Variants in PRR13 observed in about 807,000 individuals in gnomAD.
PRR13 encodes the protein proline-rich protein 13.
Under a neutral mutation model 11.5 loss-of-function variants are expected in PRR13, and 7 were observed. The ratio of observed to expected loss-of-function variants is 0.61; its 90% CI spans 0.34 to 1.14. The LOEUF (loss-of-function observed/expected upper bound fraction) is 1.14, where lower values mean the gene tolerates loss of function less well. Among genes scored for constraint, PRR13 ranks in the 50% most tolerant of loss-of-function variants. The pLI is 0.03. For synonymous variants in PRR13, 53 were observed against 67.8 expected (o/e 0.78, Z 1.07); for missense variants, 155 against 194.4 (o/e 0.80, Z 1.21).
chr12:53,444,074 A>T (rs1239325442), intron 3 of PRR13: 6 of 459,928 alleles, frequency 1.3e-5, no homozygotes, highest in Admixed American at 7.3e-5. Flanking sequence ...CCCTCCCGCC[A>T]GGTGCATATT....
chr12:53,443,210 C>T, intron 2 of PRR13, 181 bp from the exon 3 acceptor site: 1 of 592,924 alleles, frequency 1.7e-6, no homozygotes. Context: ...TCTCCCTAGC[C>T]CTTCCAGGGA....
At chr12:53,442,658 G>T in intron 1 of PRR13, 37 bp from the exon 2 acceptor site, 2 of 1,556,194 alleles carry the variant, frequency 1.3e-6, no homozygotes, top group Admixed American at 3.3e-5. Flanking sequence ...CCTACCTCTA[G>T]ACCGTCATCT....
chr12:53,445,379 C>T (rs1009570013), intron 3 of PRR13, among the ~76,000 whole-genome samples: 2 of 150,692 alleles, frequency 1.3e-5, no homozygotes, highest in Non-Finnish European at 2.9e-5. Context: ...TGAAGAGAAC[C>T]GAAGAGAATT....
At chr12:53,443,866 G>C (rs1565847388) in intron 3 of PRR13, 93 bp downstream of exon 3, 14 of 1,384,310 alleles carry the variant, frequency 1.0e-5, no homozygotes, top group Non-Finnish European at 1.4e-5. Flanking sequence ...ACATTCTGTG[G>C]ACGTGAGGGA....
At chr12:53,442,586 G>A in intron 1 of PRR13, 109 bp from the exon 2 acceptor site, 1 of 925,514 alleles carries the variant, frequency 1.1e-6, no homozygotes, top group Non-Finnish European at 1.8e-6. Context: ...TAGTTCTCCA[G>A]GTAGGAGAGC....
intron 3 of PRR13, among the ~76,000 whole-genome samples, chr12:53,444,416 G>A (rs1290180541): frequency 1.4e-5 from 2 of 147,814 alleles, no homozygotes; most frequent in African/African-American, 2.5e-5. Flanking sequence ...TGCAAGCTCC[G>A]CCTCCCAGGT....
Position 53,442,703 on chromosome 12 carries a change from A to C in PRR13, c.-12A>C. 1.2e-6 allele frequency: 2 copies of C among 1,609,552 alleles called. No individual in the cohort carries two copies. Among genetic ancestry groups the C allele is most frequent in the Non-Finnish European group, 1.7e-6 (2 of 1,176,050 alleles). ...CATTTCTTTCTCCTCAGGCTGGAGG[A>C]CACACCTAAACATGTGGAATCCCAA... On this transcript the variant is annotated 5_prime_UTR_variant, in exon 2 of 4. Coordinates refer to ENST00000429243, the MANE Select transcript of PRR13 (RefSeq NM_018457.4).
In PRR13 at chr12:53,443,448, C is replaced by A. The variant is rs1403837427; in HGVS notation, c.77C>A (p.Pro26His). The A allele has an allele frequency of 6.9e-7, 1 of 1,442,346 alleles. No homozygotes were observed. Among genetic ancestry groups the A allele is most frequent in the Non-Finnish European group, 9.1e-7 (1 of 1,093,616 alleles). 89.3% of individuals were successfully genotyped at this position (1,442,346 alleles called of 1,614,324 possible). A position where few individuals can be genotyped will look rare whatever the true frequency, so the allele number is the denominator to read the frequency against. Residue 26 changes from proline to histidine, a missense_variant, in exon 3 of 4, where the codon CCT becomes CAT. By Grantham distance (77) the Pro-to-His change is moderately conservative. Transcript: ENST00000429243. ...ATTGGGTGCCCTGGAGGTTCCAATCCTGCCCACCCACCACCTATTAATCCA... is the reference window on the plus strand; with the variant it reads ...ATTGGGTGCCCTGGAGGTTCCAATCATGCCCACCCACCACCTATTAATCCA... ...PNIGCPGGSN[P>H]AHPPPINPPF...
chr12:53,445,907 G>A lies in PRR13; in HGVS notation c.403-108G>A. 2.6e-6 allele frequency: 4 copies of A among 1,541,086 alleles called. No homozygotes were observed. The South Asian group carries it at 4.6e-5, about 18-fold the overall frequency. On this transcript the variant is annotated intron_variant, in intron 3 of 3. Coordinates refer to ENST00000429243, the MANE Select transcript of PRR13 (RefSeq NM_018457.4). ...ACTCCTGACCTTCTTAGGGAAGCAA[G>A]GGATACTTGGGTGGAGGGGTGGGGC...
At position 53,441,740 on chromosome 12, in the gene PRR13, G is replaced by A. The variant is rs1042880184; in HGVS notation, c.-73G>A. ...CGAAGCACGGGGTCTGGGTGACTAG[G>A]AAGAGCCGAGACTGCGAAGGAGAAC... On this transcript the variant is annotated 5_prime_UTR_variant, in exon 1 of 4. Coordinates refer to ENST00000429243, the MANE Select transcript of PRR13 (RefSeq NM_018457.4). 1 of 701,202 alleles carries A rather than the reference G, an allele frequency of 1.4e-6. No homozygotes were observed. Among genetic ancestry groups the A allele is most frequent in the South Asian group, 1.5e-5 (1 of 67,508 alleles). 43.4% of individuals were successfully genotyped at this position (701,202 alleles called of 1,614,324 possible).
chr12:53,441,905 G>T, intron 1 of PRR13, 113 bp downstream of exon 1: 1 of 693,112 alleles, frequency 1.4e-6, no homozygotes, highest in Non-Finnish European at 2.6e-6. Context: ...TTTGGAGGAA[G>T]GGGGCTGTGT....
At chr12:53,442,021 A>C in intron 1 of PRR13, 1 of 590,276 alleles carries the variant, frequency 1.7e-6, no homozygotes, top group Non-Finnish European at 3.0e-6. Context: ...GGAGAGAGAA[A>C]GTTGTTTGAG....
At chr12:53,444,363 T>C (rs1248784328) in intron 3 of PRR13, among the ~76,000 whole-genome samples, 3 of 144,740 alleles carry the variant, frequency 2.1e-5, no homozygotes, top group African/African-American at 7.7e-5. Context: ...GGAGTCCCGC[T>C]CTTTAGCCCA....
chr12:53,441,748 G>A lies in PRR13; in HGVS notation c.-65G>A. On this transcript the variant is annotated 5_prime_UTR_variant, in exon 1 of 4. Coordinates refer to ENST00000429243, the MANE Select transcript of PRR13 (RefSeq NM_018457.4). ...GGGGTCTGGGTGACTAGGAAGAGCC[G>A]AGACTGCGAAGGAGAACGCAGCAAG... 1.4e-6 allele frequency: 1 copy of A among 701,822 alleles called. No individual in the cohort carries two copies. Among genetic ancestry groups the A allele is most frequent in the East Asian group, 2.7e-5 (1 of 37,288 alleles). The allele number at this position is 701,822 out of a possible 1,614,324, so 43.5% of individuals were successfully genotyped here. A position where few individuals can be genotyped will look rare whatever the true frequency, so the allele number is the denominator to read the frequency against.
chr12:53,441,765 C>T lies in PRR13; in HGVS notation c.-48C>T, dbSNP rs1179931285. Reference sequence around the variant, plus strand: ...GAAGAGCCGAGACTGCGAAGGAGAACGCAGCAAGCCCAGGCGGCGGTGGAA... The same window carrying T: ...GAAGAGCCGAGACTGCGAAGGAGAATGCAGCAAGCCCAGGCGGCGGTGGAA... On this transcript the variant is annotated 5_prime_UTR_variant, in exon 1 of 4. In the 5' UTR this introduces an upstream ATG that the reference lacks. Coordinates refer to ENST00000429243, the MANE Select transcript of PRR13 (RefSeq NM_018457.4). 1 of 702,112 alleles carries T rather than the reference C, an allele frequency of 1.4e-6. No individual in the cohort carries two copies. The allele number at this position is 702,112 out of a possible 1,614,324, so 43.5% of individuals were successfully genotyped here. A position where few individuals can be genotyped will look rare whatever the true frequency, so the allele number is the denominator to read the frequency against.
In PRR13 at chr12:53,446,106, C is replaced by T; in HGVS notation, c.*47C>T. The T allele has an allele frequency of 1.9e-6, 3 of 1,611,058 alleles. No individual in the cohort carries two copies. Among genetic ancestry groups the T allele is most frequent in the Non-Finnish European group, 2.5e-6 (3 of 1,179,928 alleles). ...CTCAAGTCTCACCAGTTCTGCTCTC[C>T]CATCAAGCTTCAGATGCCATGTTGT... On this transcript the variant is annotated 3_prime_UTR_variant, in exon 4 of 4. Transcript: ENST00000429243.
chr12:53,445,349 A>AG (rs1404952884), intron 3 of PRR13, among the ~76,000 whole-genome samples: 12 of 131,670 alleles, frequency 9.1e-5, no homozygotes, highest in Non-Finnish European at 1.5e-4. Context: ...CTCCGTCTAA[A>AG]AAAAAAAAAA....
intron 1 of PRR13, 143 bp from the exon 2 acceptor site, chr12:53,442,552 A>C: frequency 2.9e-6 from 2 of 701,192 alleles, no homozygotes; most frequent in East Asian, 5.7e-5. Context: ...CAGAAAAGAG[A>C]CATTTCTTAT....
intron 2 of PRR13, chr12:53,443,046 G>C: frequency 1.9e-5 from 7 of 365,836 alleles, no homozygotes; most frequent in Admixed American, 9.0e-5. Context: ...TAGTAGAGAT[G>C]GGGGTTTCAC....
Sources: allele counts gnomAD v4.1 joint callset (sites outside exome capture counted in the v4.1 genomes callset), GRCh38; gene constraint gnomAD v4.1.1; transcripts MANE v1.5; gene names NCBI Gene and HGNC (gene_info 2026-07-23, HGNC 2026-07-21).